The following SORCS3 variants were observed in gnomAD, a reference collection of about 807,000 sequenced individuals.
The protein encoded by SORCS3 is sortilin related VPS10 domain containing receptor 3.
In SORCS3, 57 loss-of-function variants were observed where a neutral mutation model predicts 146.3. The ratio of observed to expected loss-of-function variants is 0.39; its 90% CI spans 0.31 to 0.49. The LOEUF is 0.49. Among genes scored for constraint, SORCS3 ranks in the 20% least tolerant of loss-of-function variants. The pLI is 0.92. For synonymous variants in SORCS3, 653 were observed against 618.5 expected (o/e 1.06, Z -0.83); for missense variants, 1,341 against 1,575.5 (o/e 0.85, Z 2.52).
intron 1 of SORCS3, among the ~76,000 whole-genome samples, chr10:104,718,647 A>C (rs926004755): frequency 6.6e-6 from 1 of 152,160 alleles, no homozygotes; most frequent in African/African-American, 2.4e-5. Flanking sequence ...CTATCCAAGG[A>C]GGAATAGATT....
At chr10:104,817,647 T>C (rs2133524847) in intron 1 of SORCS3, among the ~76,000 whole-genome samples, 1 of 39,128 alleles carries the variant, frequency 2.6e-5, no homozygotes, top group Non-Finnish European at 4.8e-5. Context: ...CTCCACCTCC[T>C]CCTTCTCTCC....
chr10:104,934,627 A>G (rs2019241793), intron 3 of SORCS3, among the ~76,000 whole-genome samples: 1 of 152,126 alleles, frequency 6.6e-6, no homozygotes, highest in Non-Finnish European at 1.5e-5. Context: ...CTTGTATTCT[A>G]AGACTTACAA....
intron 18 of SORCS3, 55 bp downstream of exon 18, chr10:105,214,668 A>T: frequency 4.8e-6 from 7 of 1,463,750 alleles, no homozygotes; most frequent in South Asian, 1.4e-5. Flanking sequence ...CCATTCCCAG[A>T]AGGGAAGAAG....
At chr10:104,921,519 G>T (rs766897627) in intron 3 of SORCS3, among the ~76,000 whole-genome samples, 1 of 151,838 alleles carries the variant, frequency 6.6e-6, no homozygotes, top group Non-Finnish European at 1.5e-5. Flanking sequence ...GTGTGTGTGT[G>T]TGTGTGTGTG....
At chr10:105,167,608 A>G (rs754945325) in intron 13 of SORCS3, among the ~76,000 whole-genome samples, 2 of 152,130 alleles carry the variant, frequency 1.3e-5, no homozygotes, top group African/African-American at 2.4e-5. Context: ...AGCAGGAAGG[A>G]CCTGCAGTTC....
intron 16 of SORCS3, among the ~76,000 whole-genome samples, chr10:105,204,721 C>A (rs1204187967): frequency 2.0e-5 from 3 of 151,842 alleles, no homozygotes; most frequent in African/African-American, 7.3e-5. Context: ...CTCACACGAC[C>A]TATAAAGTTT....
intron 13 of SORCS3, 116 bp from the exon 14 acceptor site, chr10:105,177,950 A>G: frequency 1.4e-6 from 1 of 713,944 alleles, no homozygotes; most frequent in Non-Finnish European, 2.5e-6. Flanking sequence ...ACCTATTGAT[A>G]ATCCACACTG....
chr10:105,103,040 G>A (rs146586951), intron 6 of SORCS3, among the ~76,000 whole-genome samples: 13 of 151,810 alleles, frequency 8.6e-5, no homozygotes, highest in Non-Finnish European at 1.5e-4. Context: ...CACCCACCTC[G>A]GCCTCCCAAT....
chr10:104,724,582 G>T (rs2016599023), intron 1 of SORCS3, among the ~76,000 whole-genome samples: 1 of 152,026 alleles, frequency 6.6e-6, no homozygotes, highest in Non-Finnish European at 1.5e-5. Flanking sequence ...TTCCAACTTG[G>T]TTGCATTCTC....
chr10:104,863,674 C>CTAGCAGCTGTGGGTCTTCCA (rs1184595096), intron 2 of SORCS3, among the ~76,000 whole-genome samples: 13 of 152,204 alleles, frequency 8.5e-5, no homozygotes, highest in Admixed American at 6.5e-4. Flanking sequence ...CTGCCTGGGT[C>CTAGCAGCTGTGGGTCTTCCA]TAGCAGCTGT....
In SORCS3 at chr10:104,696,358, ATATC is replaced by A. The variant is rs1564661205; in HGVS notation, c.627+54405_627+54408del. 7.0e-4 allele frequency among the ~76,000 whole-genome samples: 57 copies of A among 81,244 alleles called. 21 individuals carry two copies. The highest frequency in any genetic ancestry group is 1.3e-3 in the South Asian group (4 of 3,072). 53.3% of individuals were successfully genotyped at this position (81,244 alleles called of 152,430 possible). On this transcript the variant is annotated intron_variant, in intron 1 of 26. Coordinates refer to ENST00000369701, the MANE Select transcript of SORCS3 (RefSeq NM_014978.3). ...ATGATATATGATATATATCATATAT[ATATC>A]ATATATAGTATATAATATATATTAT...
chr10:105,007,134 T>C (rs1252626154), intron 4 of SORCS3, among the ~76,000 whole-genome samples: 1 of 152,196 alleles, frequency 6.6e-6, no homozygotes, highest in Non-Finnish European at 1.5e-5. Context: ...TCTAATCTAG[T>C]GTTAGTGACT....
At chr10:104,780,849 A>G (rs1414948368) in intron 1 of SORCS3, among the ~76,000 whole-genome samples, 1 of 152,190 alleles carries the variant, frequency 6.6e-6, no homozygotes, top group Non-Finnish European at 1.5e-5. Context: ...GTCAGAGAAA[A>G]TCTCTCCTGA....
At chr10:105,004,559 C>A (rs2055082498) in intron 4 of SORCS3, among the ~76,000 whole-genome samples, 1 of 152,108 alleles carries the variant, frequency 6.6e-6, no homozygotes. Context: ...CAGATAAACT[C>A]TAACCTCTCC....
intron 1 of SORCS3, among the ~76,000 whole-genome samples, chr10:104,655,405 C>T (rs534173085): frequency 2.6e-5 from 4 of 151,896 alleles, no homozygotes; most frequent in African/African-American, 9.7e-5. Flanking sequence ...GTTATTTTTT[C>T]TGCTCCTGCA....
intron 2 of SORCS3, among the ~76,000 whole-genome samples, chr10:104,915,431 G>A (rs970163537): frequency 7.1e-6 from 1 of 141,034 alleles, no homozygotes. Flanking sequence ...AGCTGGCCAT[G>A]CTCCCATGGC....
intron 25 of SORCS3, among the ~76,000 whole-genome samples, chr10:105,261,117 G>A (rs2056957891): frequency 6.6e-6 from 1 of 152,168 alleles, no homozygotes; most frequent in Non-Finnish European, 1.5e-5. Flanking sequence ...ACATGGGGCT[G>A]TTAGTATAGT....
At chr10:105,125,489 G>A (rs2055966786) in intron 7 of SORCS3, among the ~76,000 whole-genome samples, 1 of 152,038 alleles carries the variant, frequency 6.6e-6, no homozygotes, top group Non-Finnish European at 1.5e-5. Context: ...TAACCATTTT[G>A]GCACCAGAGC....
At chr10:104,750,220 A>G (rs1055321108) in intron 1 of SORCS3, among the ~76,000 whole-genome samples, 15 of 152,180 alleles carry the variant, frequency 9.9e-5, no homozygotes, top group African/African-American at 3.4e-4. Flanking sequence ...TGGGACTGCA[A>G]TGAGGGCTTG....
Sources: gnomAD v4.1 joint callset for allele counts (sites outside exome capture counted in the v4.1 genomes callset) on GRCh38, gnomAD v4.1.1 for gene constraint, MANE v1.5 for transcripts, NCBI Gene and HGNC (gene_info 2026-07-23, HGNC 2026-07-21) for gene names.